The following CALN1 variants were observed in gnomAD, a reference collection of about 807,000 sequenced individuals.
CALN1 encodes the protein calneuron 1.
In CALN1, 17 loss-of-function variants were observed where a neutral mutation model predicts 30.6. That is an observed-to-expected ratio of 0.56 (90% CI 0.38 to 0.83). CALN1 has a LOEUF of 0.83. Ranked by LOEUF, CALN1 falls within the 40% of genes least tolerant of loss-of-function variation. The probability of loss-of-function intolerance (pLI) is 0.00; values close to 1 mark genes in which losing one functional copy is unlikely to be tolerated. For synonymous variants in CALN1, 156 were observed against 131.4 expected (o/e 1.19, Z -1.28); for missense variants, 291 against 354.9 (o/e 0.82, Z 1.45).
intron 1 of CALN1, among the ~76,000 whole-genome samples, chr7:72,403,921 A>G (rs1422460675): frequency 6.6e-6 from 1 of 152,212 alleles, no homozygotes; most frequent in Non-Finnish European, 1.5e-5. Context: ...AAACTTAGTC[A>G]TGCTGTCGCA....
chr7:72,280,675 A>C (rs954833082), intron 2 of CALN1, among the ~76,000 whole-genome samples: 1 of 152,200 alleles, frequency 6.6e-6, no homozygotes, highest in Non-Finnish European at 1.5e-5. Flanking sequence ...GTACGGACTG[A>C]TACCCACTGC....
intron 2 of CALN1, among the ~76,000 whole-genome samples, chr7:72,373,560 T>C (rs909568590): frequency 9.2e-5 from 14 of 152,272 alleles, no homozygotes; most frequent in Middle Eastern, 6.8e-3. Flanking sequence ...TAAAATAGGC[T>C]TGTGTTAGGT....
intron 5 of CALN1, among the ~76,000 whole-genome samples, chr7:71,863,502 G>A (rs1426707766): frequency 7.3e-6 from 1 of 137,600 alleles, no homozygotes; most frequent in African/African-American, 2.7e-5. Context: ...GGATTACGGT[G>A]AGCTGAGTTC....
At chr7:71,827,022 C>A (rs1418251177) in intron 5 of CALN1, among the ~76,000 whole-genome samples, 1 of 152,158 alleles carries the variant, frequency 6.6e-6, no homozygotes, top group Non-Finnish European at 1.5e-5. Flanking sequence ...GAAATGCCAG[C>A]CGGATGCACG....
intron 5 of CALN1, among the ~76,000 whole-genome samples, chr7:71,943,258 C>T (rs891387116): frequency 1.5e-4 from 23 of 152,148 alleles, no homozygotes; most frequent in African/African-American, 5.3e-4. Flanking sequence ...AAAACACACA[C>T]GCGAAACAAC....
At chr7:72,298,201 T>C (rs1799000437) in intron 2 of CALN1, among the ~76,000 whole-genome samples, 1 of 152,186 alleles carries the variant, frequency 6.6e-6, no homozygotes, top group African/African-American at 2.4e-5. Context: ...GACCAGAAAG[T>C]GTAGATCATT....
At chr7:71,993,765 T>C (rs1468284599) in intron 5 of CALN1, among the ~76,000 whole-genome samples, 1 of 151,978 alleles carries the variant, frequency 6.6e-6, no homozygotes, top group Non-Finnish European at 1.5e-5. Flanking sequence ...CCTGAGGATA[T>C]AAATATTAAC....
chr7:71,961,890 T>C (rs541002268), intron 5 of CALN1, among the ~76,000 whole-genome samples: 67 of 152,276 alleles, frequency 4.4e-4, no homozygotes, highest in African/African-American at 1.6e-3. Flanking sequence ...GTGGCACCTC[T>C]TCCAGACCTC....
intron 2 of CALN1, among the ~76,000 whole-genome samples, chr7:72,306,758 T>C (rs1192222393): frequency 3.3e-5 from 5 of 152,244 alleles, no homozygotes; most frequent in Non-Finnish European, 5.9e-5. Context: ...ATGTATTTGA[T>C]TGATGTCTCA....
intron 3 of CALN1, among the ~76,000 whole-genome samples, chr7:72,226,598 TAA>T (rs1277634572): frequency 6.6e-6 from 1 of 152,158 alleles, no homozygotes. Flanking sequence ...ATGGACAGGA[TAA>T]AAGTTATGAT....
chr7:71,852,926 G>A (rs1562841356), intron 5 of CALN1, among the ~76,000 whole-genome samples: 1 of 152,156 alleles, frequency 6.6e-6, no homozygotes, highest in Non-Finnish European at 1.5e-5. Context: ...ACAGTATTGA[G>A]TTGTGAGACT....
chr7:71,810,164 G>A (rs1787864935), intron 6 of CALN1, among the ~76,000 whole-genome samples, 172 bp downstream of exon 6: 1 of 152,104 alleles, frequency 6.6e-6, no homozygotes, highest in Admixed American at 6.6e-5. Flanking sequence ...TGGAGAAAAT[G>A]AAACCCACCG....
rs563297415 is a variant in CALN1 at position 72,066,637 on chromosome 7, G to A, written c.388+39514C>T. ...ATGTATGACTCTTTTTTAAGAGACA[G>A]GGTCTCTTTCTGTCAATCAGGCTGG... On this transcript the variant is annotated intron_variant, in intron 4 of 6. Transcript: ENST00000395275. 3.9e-5 allele frequency among the ~76,000 whole-genome samples: 6 copies of A among 152,140 alleles called. No individual in the cohort carries two copies. The East Asian group carries it at 1.2e-3, about 29-fold the overall frequency.
At chr7:72,302,893 C>CAAAAAAAAA (rs71069055) in intron 2 of CALN1, among the ~76,000 whole-genome samples, 5 of 48,750 alleles carry the variant, frequency 1.0e-4, no homozygotes, top group Non-Finnish European at 1.5e-4. Flanking sequence ...GTGAGGGTCT[C>CAAAAAAAAA]AAAAAAAAAA....
chr7:71,831,871 C>CAAAAAAAAAAAAAAA (rs751078568), intron 5 of CALN1, among the ~76,000 whole-genome samples: 2 of 20,880 alleles, frequency 9.6e-5, no homozygotes, highest in African/African-American at 2.5e-4. Context: ...AACCCTGCCT[C>CAAAAAAAAAAAAAAA]AAAAAAAAAA....
intron 5 of CALN1, among the ~76,000 whole-genome samples, chr7:72,021,944 C>T (rs844787): frequency 0.012 from 1,812 of 152,232 alleles, 41 homozygotes; most frequent in African/African-American, 0.042. Flanking sequence ...AAGTTGGGAA[C>T]TCTGGAATCA....
At chr7:72,162,037 T>C (rs1308709801) in intron 3 of CALN1, among the ~76,000 whole-genome samples, 3 of 151,250 alleles carry the variant, frequency 2.0e-5, no homozygotes, top group Non-Finnish European at 4.4e-5. Flanking sequence ...GATTTTGGTA[T>C]ATGTCAGTTC....
intron 5 of CALN1, among the ~76,000 whole-genome samples, chr7:71,814,043 G>T (rs1278247735): frequency 6.6e-6 from 1 of 151,952 alleles, no homozygotes; most frequent in Non-Finnish European, 1.5e-5. Context: ...CCCTCATAGA[G>T]TAAGTACAAG....
At chr7:72,264,448 T>C (rs1796478519) in intron 3 of CALN1, among the ~76,000 whole-genome samples, 1 of 152,106 alleles carries the variant, frequency 6.6e-6, no homozygotes, top group Non-Finnish European at 1.5e-5. Flanking sequence ...GATCTGTCTG[T>C]AGATCCTAAT....
Sources: gnomAD v4.1 joint callset for allele counts (sites outside exome capture counted in the v4.1 genomes callset) on GRCh38, gnomAD v4.1.1 for gene constraint, MANE v1.5 for transcripts, NCBI Gene and HGNC (gene_info 2026-07-23, HGNC 2026-07-21) for gene names.